Variants in TENM2 observed in about 807,000 individuals in gnomAD.
TENM2 encodes teneurin-2.
TENM2 carries 52 observed loss-of-function variants against 245.2 expected under a neutral mutation model. That is an observed-to-expected ratio of 0.21 (90% CI 0.17 to 0.27). The LOEUF (loss-of-function observed/expected upper bound fraction) is 0.27. Ranked by LOEUF, TENM2 falls within the 10% of genes least tolerant of loss-of-function variation. The probability of loss-of-function intolerance (pLI) is 1.00; values close to 1 mark genes in which losing one functional copy is unlikely to be tolerated. For synonymous variants in TENM2, 1,363 were observed against 1,438.9 expected (o/e 0.95, Z 1.19); for missense variants, 3,046 against 3,666.8 (o/e 0.83, Z 4.37).
At chr5:167,137,026 G>A in the TENM2 span, among the ~76,000 whole-genome samples, 1 of 152,314 alleles carries the variant, frequency 6.6e-6, no homozygotes, top group Admixed American at 6.5e-5. Context: ...TTTCTTCCTG[G>A]CTTGAAGTTG....
At chr5:167,364,140 A>C (rs1759896474) in intron 1 of TENM2, among the ~76,000 whole-genome samples, 1 of 151,314 alleles carries the variant, frequency 6.6e-6, no homozygotes, top group Non-Finnish European at 1.5e-5. Flanking sequence ...TAGAGTATGG[A>C]AGTGAATAAA....
At chr5:167,086,415 T>C in the TENM2 span, among the ~76,000 whole-genome samples, 4 of 152,156 alleles carry the variant, frequency 2.6e-5, no homozygotes, top group Admixed American at 2.6e-4. Flanking sequence ...ACCCTCTTCC[T>C]CATGGCCCCG....
At chr5:167,708,356 T>A (rs753070609) in intron 2 of TENM2, among the ~76,000 whole-genome samples, 7 of 152,130 alleles carry the variant, frequency 4.6e-5, no homozygotes, top group Non-Finnish European at 1.0e-4. Flanking sequence ...GTGTCACTGT[T>A]AGGGTGAAAC....
At chr5:167,852,031 C>A (rs76277748) in intron 2 of TENM2, among the ~76,000 whole-genome samples, 4,794 of 152,208 alleles carry the variant, frequency 0.031, 239 homozygotes, top group African/African-American at 0.11. Context: ...CTTTGATAAA[C>A]TCAATAGAGA....
intron 25 of TENM2, among the ~76,000 whole-genome samples, chr5:168,238,186 G>GAGAGAGA: frequency 2.8e-5 from 1 of 35,334 alleles, no homozygotes; most frequent in African/African-American, 4.2e-4. Context: ...AGAGAGAGAG[G>GAGAGAGA]GAGGGAGGGA....
chr5:168,228,981 T>C, intron 25 of TENM2, among the ~76,000 whole-genome samples: 1 of 147,864 alleles, frequency 6.8e-6, no homozygotes, highest in East Asian at 2.0e-4. Context: ...CATATACGTA[T>C]ACATAATATA....
intron 2 of TENM2, among the ~76,000 whole-genome samples, chr5:167,434,659 C>T (rs903837141): frequency 6.6e-6 from 1 of 152,072 alleles, no homozygotes; most frequent in South Asian, 2.1e-4. Flanking sequence ...CAACACAATA[C>T]TCTGTCTTGT....
intron 2 of TENM2, among the ~76,000 whole-genome samples, chr5:167,746,619 G>C (rs1438951054): frequency 1.3e-5 from 2 of 149,230 alleles, no homozygotes; most frequent in Non-Finnish European, 3.0e-5. Flanking sequence ...CGACTTGTGT[G>C]TCATCTACCT....
At chr5:167,138,662 G>T in the TENM2 span, among the ~76,000 whole-genome samples, 4 of 151,884 alleles carry the variant, frequency 2.6e-5, no homozygotes, top group African/African-American at 9.7e-5. Flanking sequence ...TGCTCTTGTC[G>T]CCCAGGCCAC....
At chr5:167,464,976 A>C (rs965629907) in intron 2 of TENM2, among the ~76,000 whole-genome samples, 3 of 152,202 alleles carry the variant, frequency 2.0e-5, no homozygotes, top group Non-Finnish European at 4.4e-5. Flanking sequence ...TTTTCCAATA[A>C]AGTGTCTCAA....
At chr5:167,796,972 G>T (rs1228148677) in intron 2 of TENM2, among the ~76,000 whole-genome samples, 1 of 151,754 alleles carries the variant, frequency 6.6e-6, no homozygotes, top group African/African-American at 2.4e-5. Context: ...GTCAATATCG[G>T]AGTCATAGCT....
intron 12 of TENM2, among the ~76,000 whole-genome samples, chr5:168,140,734 G>C (rs1357410354): frequency 6.6e-6 from 1 of 152,118 alleles, no homozygotes; most frequent in Admixed American, 6.5e-5. Flanking sequence ...TTTGCTAACG[G>C]TGCCTAATAA....
intron 19 of TENM2, among the ~76,000 whole-genome samples, chr5:168,211,288 C>G (rs1310673863): frequency 1.3e-5 from 2 of 152,246 alleles, no homozygotes; most frequent in Admixed American, 6.5e-5. Context: ...CATCCTCCCT[C>G]CCACACTCAG....
chr5:168,230,981 C>T (rs964878913), intron 25 of TENM2: 1 of 152,262 alleles, frequency 6.6e-6, no homozygotes, highest in Admixed American at 6.5e-5. Context: ...CATCGGGCGG[C>T]TCTTCTTAAT....
chr5:167,853,289 C>CAAAAAAAAAA (rs777170514), intron 2 of TENM2, among the ~76,000 whole-genome samples: 287 of 24,578 alleles, frequency 0.012, 39 homozygotes, highest in African/African-American at 0.025. Context: ...GACTCCGTCT[C>CAAAAAAAAAA]AAAAAAAAAA....
At chr5:168,038,674 A>C (rs138667028) in intron 5 of TENM2, among the ~76,000 whole-genome samples, 1 of 152,244 alleles carries the variant, frequency 6.6e-6, no homozygotes, top group African/African-American at 2.4e-5. Flanking sequence ...GTATCCGCTT[A>C]TGCATAGTTG....
At chr5:168,150,049 C>G (rs1026263652) in intron 12 of TENM2, among the ~76,000 whole-genome samples, 1 of 152,104 alleles carries the variant, frequency 6.6e-6, no homozygotes, top group Non-Finnish European at 1.5e-5. Flanking sequence ...CCTTGTGGTC[C>G]CCTCCCCCTA....
chr5:167,961,559 T>C lies in TENM2; in HGVS notation c.947+8737T>C, dbSNP rs985052454. 2.6e-5 allele frequency among the ~76,000 whole-genome samples: 4 copies of C among 152,180 alleles called. 1 individual carries two copies. Among genetic ancestry groups the C allele is most frequent in the Non-Finnish European group, 5.9e-5 (4 of 68,022 alleles). On this transcript the variant is annotated intron_variant, in intron 4 of 28. Transcript: ENST00000518659. ...AAGGGAAGAGGAGATGTAATAGCTA[T>C]TGTAGAAAAAGAAGAGGACCACCAT...
At chr5:168,109,924 C>T (rs1296864827) in intron 9 of TENM2, among the ~76,000 whole-genome samples, 1 of 152,082 alleles carries the variant, frequency 6.6e-6, no homozygotes, top group Non-Finnish European at 1.5e-5. Context: ...CTCCAAAACG[C>T]GGCAGCTCCT....
Sources: allele counts gnomAD v4.1 joint callset (sites outside exome capture counted in the v4.1 genomes callset), GRCh38; gene constraint gnomAD v4.1.1; transcripts MANE v1.5; gene names NCBI Gene and HGNC (gene_info 2026-07-23, HGNC 2026-07-21).